The following MBNL2 variants were observed in gnomAD, a reference collection of about 807,000 sequenced individuals.
MBNL2 encodes muscleblind-like protein 2.
MBNL2 carries 17 observed loss-of-function variants against 41.9 expected under a neutral mutation model. That is an observed-to-expected ratio of 0.41 (90% CI 0.28 to 0.61). The LOEUF (loss-of-function observed/expected upper bound fraction) is 0.61, where lower values mean the gene tolerates loss of function less well. MBNL2 is among the 20% of genes least tolerant of loss of function. The pLI, the probability that MBNL2 is intolerant of heterozygous loss-of-function variation, is 0.35. For missense variants in MBNL2, 336 were observed against 505.6 expected (o/e 0.66, Z 3.22); for synonymous variants, 195 against 182.9 (o/e 1.07, Z -0.53).
chr13:97,256,630 C>T (rs2047594911), intron 1 of MBNL2, among the ~76,000 whole-genome samples: 2 of 152,138 alleles, frequency 1.3e-5, no homozygotes, highest in Non-Finnish European at 2.9e-5. Context: ...GTAAGACCTC[C>T]AGGAATGATA....
chr13:97,259,706 A>G (rs920196215), intron 1 of MBNL2, among the ~76,000 whole-genome samples: 5 of 152,236 alleles, frequency 3.3e-5, no homozygotes, highest in African/African-American at 1.2e-4. Flanking sequence ...CTTTAAGGAC[A>G]GAAGTGGCTC....
intron 1 of MBNL2, among the ~76,000 whole-genome samples, chr13:97,256,498 G>A (rs1422825889): frequency 6.6e-6 from 1 of 152,180 alleles, no homozygotes; most frequent in Non-Finnish European, 1.5e-5. Context: ...TGCTGCTGAT[G>A]AGTCATTCGT....
the MBNL2 span, among the ~76,000 whole-genome samples, chr13:97,198,628 C>T: frequency 3.3e-5 from 5 of 152,042 alleles, no homozygotes; most frequent in African/African-American, 4.8e-5. Flanking sequence ...ACCTTGACTT[C>T]CCTTCCACTC....
At chr13:97,302,096 A>G (rs2057684539) in intron 2 of MBNL2, among the ~76,000 whole-genome samples, 1 of 152,192 alleles carries the variant, frequency 6.6e-6, no homozygotes, top group African/African-American at 2.4e-5. Context: ...TGGTCCTGCA[A>G]CTATCTCCCC....
chr13:97,258,054 G>A (rs777080289), intron 1 of MBNL2, among the ~76,000 whole-genome samples: 29 of 152,188 alleles, frequency 1.9e-4, no homozygotes, highest in Non-Finnish European at 4.0e-4. Flanking sequence ...AGCGCCCCCC[G>A]TCTGGGAGGA....
intron 2 of MBNL2, among the ~76,000 whole-genome samples, chr13:97,292,577 T>C (rs1179126009): frequency 1.3e-5 from 2 of 152,212 alleles, no homozygotes; most frequent in African/African-American, 4.8e-5. Context: ...AATTATTTTT[T>C]ATTTCCAATT....
the MBNL2 span, among the ~76,000 whole-genome samples, chr13:97,185,540 T>A: frequency 1.2e-3 from 178 of 152,154 alleles, 1 homozygote; most frequent in African/African-American, 3.9e-3. Context: ...ATGGACCTGA[T>A]AAGAGGGAGA....
intron 1 of MBNL2, among the ~76,000 whole-genome samples, chr13:97,246,901 A>G (rs2152828211): frequency 6.6e-6 from 1 of 152,350 alleles, no homozygotes; most frequent in African/African-American, 2.4e-5. Context: ...AAATAGCACA[A>G]AGGCAATCAT....
the MBNL2 span, among the ~76,000 whole-genome samples, chr13:97,205,227 A>AAT: frequency 1.0e-4 from 14 of 138,498 alleles, no homozygotes; most frequent in African/African-American, 2.0e-4. Flanking sequence ...TTATATTAAA[A>AAT]ATATATATAT....
the MBNL2 span, among the ~76,000 whole-genome samples, chr13:97,180,884 G>A: frequency 6.6e-6 from 1 of 152,032 alleles, no homozygotes; most frequent in African/African-American, 2.4e-5. Flanking sequence ...AAGGTTAGAA[G>A]CCCAAATGGG....
chr13:97,185,744 G>A, the MBNL2 span, among the ~76,000 whole-genome samples: 2 of 152,176 alleles, frequency 1.3e-5, no homozygotes, highest in Non-Finnish European at 2.9e-5. Flanking sequence ...AGCACATTGG[G>A]GCTGACCTCC....
Position 97,320,115 on chromosome 13 carries a change from G to C in MBNL2, c.175-14161G>C, listed in dbSNP as rs372049973. Among the ~76,000 whole-genome samples, 15 of 152,236 alleles carry C rather than the reference G, an allele frequency of 9.9e-5. No homozygotes were observed. In the East Asian group the frequency reaches 2.1e-3, roughly 22 times the overall value. On this transcript the variant is annotated intron_variant, in intron 2 of 8. Coordinates refer to ENST00000679496, the MANE Select transcript of MBNL2 (RefSeq NM_001382683.1). Reference sequence around the variant, plus strand: ...TCTAACATTTGTTAGAGGTGGCTGTGCTCGCTTCCCAAGGCTGCTATAACC... The same window carrying C: ...TCTAACATTTGTTAGAGGTGGCTGTCCTCGCTTCCCAAGGCTGCTATAACC...
At chr13:97,370,702 A>G (rs1464932759) in intron 8 of MBNL2, among the ~76,000 whole-genome samples, 4 of 152,058 alleles carry the variant, frequency 2.6e-5, no homozygotes, top group Non-Finnish European at 5.9e-5. Context: ...GAAAGAAACC[A>G]TATAATGGAC....
intron 1 of MBNL2, among the ~76,000 whole-genome samples, chr13:97,228,396 GATTA>G (rs1251071464): frequency 2.6e-5 from 4 of 151,894 alleles, no homozygotes; most frequent in African/African-American, 7.3e-5. Context: ...GGAGGTAGGA[GATTA>G]ATTATTTTAA....
At chr13:97,144,771 A>G in the MBNL2 span, among the ~76,000 whole-genome samples, 1 of 152,142 alleles carries the variant, frequency 6.6e-6, no homozygotes, top group Admixed American at 6.5e-5. Context: ...TGCAGCCACC[A>G]CATGACGGCG....
At chr13:97,183,999 A>G in the MBNL2 span, among the ~76,000 whole-genome samples, 1 of 152,220 alleles carries the variant, frequency 6.6e-6, no homozygotes, top group Non-Finnish European at 1.5e-5. Context: ...GACTTTTTAA[A>G]TGGAGCTAGA....
chr13:97,270,049 G>A (rs889668087), intron 1 of MBNL2, among the ~76,000 whole-genome samples: 3 of 152,304 alleles, frequency 2.0e-5, no homozygotes, highest in African/African-American at 7.2e-5. Context: ...TGAAGAAGGT[G>A]GGTCTCAAAG....
At chr13:97,181,846 T>G in the MBNL2 span, among the ~76,000 whole-genome samples, 1 of 152,222 alleles carries the variant, frequency 6.6e-6, no homozygotes, top group Non-Finnish European at 1.5e-5. Context: ...TCCAATGAGC[T>G]ACTTGTGAAA....
chr13:97,222,303 G>C (rs1224957554), upstream of MBNL2: 1 of 397,768 alleles, frequency 2.5e-6, no homozygotes, highest in Non-Finnish European at 4.4e-6. Flanking sequence ...TTGTCGGAAG[G>C]AAGGGCTGCA....
Sources: gnomAD v4.1 joint callset for allele counts (sites outside exome capture counted in the v4.1 genomes callset) on GRCh38, gnomAD v4.1.1 for gene constraint, MANE v1.5 for transcripts, NCBI Gene and HGNC (gene_info 2026-07-23, HGNC 2026-07-21) for gene names.